The following SAMMSON variants were observed in gnomAD, a reference collection of about 807,000 sequenced individuals.
SAMMSON encodes long intergenic non-protein coding RNA 1212.
chr3:70,124,420 C>G (rs538000826), intron 4 of SAMMSON, among the ~76,000 whole-genome samples: 1 of 152,134 alleles, frequency 6.6e-6, no homozygotes, highest in Non-Finnish European at 1.5e-5. Context: ...TAATTAGGTA[C>G]TAGGGAATCA....
intron 6 of SAMMSON, among the ~76,000 whole-genome samples, chr3:70,259,012 G>T (rs55672246): frequency 0.15 from 23,168 of 151,992 alleles, 1,816 homozygotes; most frequent in South Asian, 0.25. Flanking sequence ...TATAATAAAG[G>T]TACTCAAGTT....
chr3:70,210,494 T>C lies in SAMMSON; in HGVS notation n.508-38613T>C, dbSNP rs79014289. ...TGTTACTGACATCTTCCATCTTTTA[T>C]AGATGATGCTAACAATAATTTCATC... On this transcript the variant is annotated intron_variant and non_coding_transcript_variant, in intron 4 of 9. Transcript: ENST00000642114. Among the ~76,000 whole-genome samples, 970 of 152,232 alleles carry C rather than the reference T, an allele frequency of 6.4e-3. 5 individuals carry two copies. The highest frequency in any genetic ancestry group is 9.8e-3 in the African/African-American group (408 of 41,560).
chr3:70,402,370 T>C (rs1701147334), intron 2 of SAMMSON, among the ~76,000 whole-genome samples: 2 of 152,318 alleles, frequency 1.3e-5, no homozygotes, highest in Admixed American at 6.5e-5. Context: ...GCCTACAATA[T>C]GCATGCACAG....
chr3:70,305,822 G>A (rs1470992343), intron 7 of SAMMSON, among the ~76,000 whole-genome samples: 3 of 152,116 alleles, frequency 2.0e-5, no homozygotes, highest in Non-Finnish European at 4.4e-5. Flanking sequence ...CGTCTTATTT[G>A]AACACAAACA....
chr3:70,347,366 G>A (rs1384225964), intron 7 of SAMMSON, among the ~76,000 whole-genome samples: 2 of 152,148 alleles, frequency 1.3e-5, no homozygotes, highest in South Asian at 2.1e-4. Context: ...AACAAACTTG[G>A]CTCTTGGCTT....
chr3:70,364,791 A>C lies in SAMMSON; in HGVS notation n.913+6467A>C, dbSNP rs147844090. On this transcript the variant is annotated intron_variant and non_coding_transcript_variant, in intron 9 of 9. Coordinates refer to ENST00000642114, the Ensembl canonical transcript of SAMMSON. ...TACATTCTACACCTTTTATGTTTTT[A>C]ATCTGAGCTTTATTTCCCCTTACTG... is the stretch of plus-strand genomic sequence containing the variant. Among the ~76,000 whole-genome samples, 86 of 151,672 alleles carry C rather than the reference A, an allele frequency of 5.7e-4. No individual in the cohort carries two copies. In the East Asian group the frequency reaches 0.016, roughly 28 times the overall value.
intron 7 of SAMMSON, among the ~76,000 whole-genome samples, chr3:70,334,174 G>A (rs1702645705): frequency 6.6e-6 from 1 of 152,268 alleles, no homozygotes; most frequent in South Asian, 2.1e-4. Flanking sequence ...AGTTATGCAA[G>A]CAGCTTTCTG....
chr3:70,125,957 G>A, intron 4 of SAMMSON: 1 of 769,530 alleles, frequency 1.3e-6, no homozygotes, highest in Non-Finnish European at 2.2e-6. Context: ...GGAGATGTGG[G>A]TGGAAGAGGT....
intron 4 of SAMMSON, among the ~76,000 whole-genome samples, chr3:70,188,233 T>C (rs1425712511): frequency 6.6e-6 from 1 of 152,168 alleles, no homozygotes; most frequent in African/African-American, 2.4e-5. Context: ...AGTTCAAATA[T>C]CTACTCTGCC....
intron 1 of SAMMSON, among the ~76,000 whole-genome samples, chr3:70,010,094 G>A (rs1274471576): frequency 2.0e-5 from 3 of 152,148 alleles, no homozygotes; most frequent in Admixed American, 2.0e-4. Flanking sequence ...GTGATGTGGT[G>A]CTGAGAAGAA....
rs149878010 is a variant in SAMMSON at position 70,085,803 on chromosome 3, A to G, written n.507+14238A>G. 5.3e-4 allele frequency among the ~76,000 whole-genome samples: 81 copies of G among 152,296 alleles called. 2 individuals carry two copies. The East Asian group carries it at 0.015, about 29-fold the overall frequency. On this transcript the variant is annotated intron_variant and non_coding_transcript_variant, in intron 4 of 9. Transcript: ENST00000642114. ...TCAATTTCACAATCTAGTTCCTCCC[A>G]AATACAGGAAGGACTAGTGTGAGAC...
intron 4 of SAMMSON, among the ~76,000 whole-genome samples, chr3:70,144,094 G>A (rs761398728): frequency 1.3e-5 from 2 of 151,894 alleles, no homozygotes; most frequent in Non-Finnish European, 2.9e-5. Flanking sequence ...CTTGGTAGAA[G>A]AACTCATCAA....
intron 3 of SAMMSON, among the ~76,000 whole-genome samples, chr3:70,035,641 C>G (rs1444611093): frequency 3.9e-5 from 6 of 152,174 alleles, no homozygotes; most frequent in Non-Finnish European, 1.5e-5. Flanking sequence ...TCCGCAGTTT[C>G]TCTTGAATTT....
chr3:70,367,229 C>T, intron 9 of SAMMSON, among the ~76,000 whole-genome samples: 1 of 151,548 alleles, frequency 6.6e-6, no homozygotes, highest in African/African-American at 2.4e-5. Flanking sequence ...CAACTATAGT[C>T]ACCCTATTGT....
At chr3:70,221,577 T>C (rs534794545) in intron 4 of SAMMSON, among the ~76,000 whole-genome samples, 1 of 152,202 alleles carries the variant, frequency 6.6e-6, no homozygotes, top group South Asian at 2.1e-4. Flanking sequence ...GAGAAACACA[T>C]GTCAACAGAT....
At chr3:70,389,070 G>A (rs943468882) in intron 9 of SAMMSON, among the ~76,000 whole-genome samples, 5 of 151,988 alleles carry the variant, frequency 3.3e-5, no homozygotes, top group Non-Finnish European at 5.9e-5. Flanking sequence ...CTCTCTTGCC[G>A]TGGGACCTCT....
chr3:70,208,224 G>A (rs865944474), intron 4 of SAMMSON, among the ~76,000 whole-genome samples: 3 of 152,032 alleles, frequency 2.0e-5, no homozygotes, highest in Non-Finnish European at 4.4e-5. Flanking sequence ...GGTGTCCTTG[G>A]GAATTGCATT....
At chr3:70,371,732 C>T (rs1025001298) in intron 9 of SAMMSON, among the ~76,000 whole-genome samples, 6 of 151,900 alleles carry the variant, frequency 3.9e-5, no homozygotes, top group Non-Finnish European at 7.4e-5. Flanking sequence ...AGAGTTTCTT[C>T]GTGGAGTCTT....
intron 4 of SAMMSON, among the ~76,000 whole-genome samples, chr3:70,195,649 C>T (rs991536826): frequency 4.6e-5 from 7 of 152,164 alleles, no homozygotes; most frequent in Non-Finnish European, 7.4e-5. Context: ...CTCAATTCTC[C>T]ATTTCACTTT....
Sources: allele counts gnomAD v4.1 joint callset (sites outside exome capture counted in the v4.1 genomes callset), GRCh38; gene constraint gnomAD v4.1.1; transcripts MANE v1.5; gene names NCBI Gene and HGNC (gene_info 2026-07-23, HGNC 2026-07-21).